Variants in ARID1B observed in about 807,000 individuals in gnomAD.
ARID1B encodes the protein AT-rich interaction domain 1B.
ARID1B carries 30 observed loss-of-function variants against 212.3 expected under a neutral mutation model. That is an observed-to-expected ratio of 0.14 (90% CI 0.11 to 0.19). The LOEUF (loss-of-function observed/expected upper bound fraction) is 0.19, where lower values mean the gene tolerates loss of function less well. Ranked by LOEUF, ARID1B falls within the 10% of genes least tolerant of loss-of-function variation. ARID1B has a pLI of 1.00. For synonymous variants in ARID1B, 1,402 were observed against 1,301.7 expected, an observed-to-expected ratio of 1.08 and a Z score of -1.66; for missense variants, 2,891 against 3,204.0, an observed-to-expected ratio of 0.90 and a Z score of 2.36.
rs753125848 is a variant in ARID1B at position 156,779,162 on chromosome 6, C to T, written c.1482C>T (p.His494=). The T allele has an allele frequency of 9.1e-6, 12 of 1,325,286 alleles. No homozygotes were observed. The highest frequency in any genetic ancestry group is 1.2e-5 in the Non-Finnish European group (12 of 1,031,336). 82.1% of individuals were successfully genotyped at this position (1,325,286 alleles called of 1,614,324 possible). Residue 494 remains histidine (H), a synonymous_variant, in exon 1 of 20, where the codon CAC becomes CAT. Transcript: ENST00000636930. ...GFQRFAGQNQ[H]PSGATPTLNQ... ...AGCGCTTCGCCGGCCAGAACCAGCACCCGTCGGGGGCCACCCCGACCCTCA... is the reference window on the plus strand; with the variant it reads ...AGCGCTTCGCCGGCCAGAACCAGCATCCGTCGGGGGCCACCCCGACCCTCA...
chr6:157,184,435 G>A lies in ARID1B; in HGVS notation c.3919G>A (p.Ala1307Thr), dbSNP rs1792815383. 5.6e-6 allele frequency: 9 copies of A among 1,613,830 alleles called. No homozygotes were observed. The highest frequency in any genetic ancestry group is 7.6e-6 in the Non-Finnish European group (9 of 1,180,022). ...GCCCAAGCTCCAGCCGCCATCTCCT[G>A]GTAAGTGGCGGCGCTGCAGTCACTG... is the stretch of plus-strand genomic sequence containing the variant. ...KQPKLQPPSP[A>T]NSGSLQGPQT... The change falls in exon 13 of 20, where the codon GCT (alanine) becomes ACT (threonine). Residue 1307 changes from alanine (A) to threonine (T), a missense_variant and splice_region_variant. This residue lies in a region of ARID1B where 666 missense variants were observed against 873.5 expected (regional missense o/e 0.76). Transcript: ENST00000636930.
intron 12 of ARID1B, 83 bp downstream of exon 12, chr6:157,181,261 A>AT (rs935198078): frequency 3.0e-5 from 45 of 1,489,892 alleles, no homozygotes; most frequent in Middle Eastern, 2.0e-4. Flanking sequence ...GTGTGGACTC[A>AT]TTTTTTTTCT....
At chr6:156,937,780 T>C (rs1466796547) in intron 4 of ARID1B, 1 of 152,218 alleles carries the variant, frequency 6.6e-6, no homozygotes, top group Non-Finnish European at 1.5e-5. Context: ...TGTCTTGTTA[T>C]GTATGTATAA....
At chr6:157,123,984 G>A (rs752934367) in intron 6 of ARID1B, among the ~76,000 whole-genome samples, 1 of 152,248 alleles carries the variant, frequency 6.6e-6, no homozygotes, top group Non-Finnish European at 1.5e-5. Flanking sequence ...CGCAGTGGCT[G>A]TGGAGATGGA....
At chr6:156,833,473 G>A (rs938995999) in intron 2 of ARID1B, among the ~76,000 whole-genome samples, 2 of 151,984 alleles carry the variant, frequency 1.3e-5, no homozygotes, top group African/African-American at 4.8e-5. Flanking sequence ...TAATTGGGTT[G>A]ATATTTTAAC....
intron 7 of ARID1B, among the ~76,000 whole-genome samples, chr6:157,143,343 C>T (rs1789502953): frequency 6.6e-6 from 1 of 152,126 alleles, no homozygotes; most frequent in Non-Finnish European, 1.5e-5. Context: ...AATAAGATTG[C>T]ACTTCTCATT....
At position 157,148,165 on chromosome 6, in the gene ARID1B, A is replaced by G. The variant is rs1264712729; in HGVS notation, c.2762-459A>G. 1.3e-5 allele frequency among the ~76,000 whole-genome samples: 2 copies of G among 152,082 alleles called. No homozygotes were observed. Among genetic ancestry groups the G allele is most frequent in the Non-Finnish European group, 2.9e-5 (2 of 68,020 alleles). On this transcript the variant is annotated intron_variant, in intron 7 of 19. Transcript: ENST00000636930. This position sits in a 1 kb window ranked among gnomAD's most constrained non-coding sequence, Gnocchi z 5.6. ...AAAGGATGATTTTGACCATATGTGCATGTCGTCTTACACGTTGTCTTTTTG... is the reference window on the plus strand; with the variant it reads ...AAAGGATGATTTTGACCATATGTGCGTGTCGTCTTACACGTTGTCTTTTTG...
intron 4 of ARID1B, among the ~76,000 whole-genome samples, chr6:157,029,674 G>A (rs1048888771): frequency 6.6e-6 from 1 of 152,230 alleles, no homozygotes; most frequent in Non-Finnish European, 1.5e-5. Context: ...GGAGGAGGGA[G>A]CAGCCAGTGC....
Position 156,778,493 on chromosome 6 carries a change from G to A in ARID1B, c.813G>A (p.Ala271=), listed in dbSNP as rs940491642. ...LLSKPGDEDD[A]PPKMGEPAGG... The stretch of plus-strand genomic sequence containing the variant: ...GCAAGCCGGGCGACGAGGACGACGC[G>A]CCGCCCAAGATGGGGGAGCCGGCGG... The change falls in exon 1 of 20, where the codon GCG becomes GCA. Residue 271 remains alanine (A), a synonymous_variant. Transcript: ENST00000636930. 2.3e-4 allele frequency: 291 copies of A among 1,283,388 alleles called. No individual in the cohort carries two copies. The highest frequency in any genetic ancestry group is 2.8e-4 in the Non-Finnish European group (281 of 1,021,512). 79.5% of individuals were successfully genotyped at this position (1,283,388 alleles called of 1,614,324 possible).
intron 4 of ARID1B, among the ~76,000 whole-genome samples, chr6:156,946,146 C>A (rs1219094741): frequency 1.4e-5 from 2 of 146,302 alleles, no homozygotes; most frequent in Non-Finnish European, 3.0e-5. Context: ...CACTTGAGGT[C>A]AGGAGTTCAA....
At chr6:157,167,266 A>G (rs2128291842) in intron 9 of ARID1B, 81 bp downstream of exon 9, 1 of 1,491,478 alleles carries the variant, frequency 6.7e-7, no homozygotes, top group Non-Finnish European at 8.9e-7. Flanking sequence ...ATCTGCCTAA[A>G]CGGCCCGAGA....
intron 8 of ARID1B, among the ~76,000 whole-genome samples, chr6:157,160,549 G>GT (rs1790861567): frequency 6.6e-6 from 1 of 152,120 alleles, no homozygotes; most frequent in Non-Finnish European, 1.5e-5. Context: ...CCCCACATTC[G>GT]TTCTTCTTGC....
At chr6:156,943,631 G>A (rs934055998) in intron 4 of ARID1B, 2 of 152,136 alleles carry the variant, frequency 1.3e-5, no homozygotes, top group Non-Finnish European at 2.9e-5. Flanking sequence ...TGTATTTGTT[G>A]CTGTCTGTAT....
chr6:156,852,735 G>A (rs547243267), intron 2 of ARID1B, among the ~76,000 whole-genome samples: 44 of 152,254 alleles, frequency 2.9e-4, no homozygotes, highest in Non-Finnish European at 5.3e-4. Context: ...ATATTTTCCC[G>A]TGCCTGTGAA....
intron 4 of ARID1B, among the ~76,000 whole-genome samples, chr6:157,065,755 C>T (rs988609900): frequency 1.3e-5 from 2 of 152,076 alleles, no homozygotes; most frequent in African/African-American, 4.8e-5. Context: ...GAAATAAGAC[C>T]GTAAGGATTT....
chr6:156,793,577 TCTC>T (rs1780158321), intron 1 of ARID1B, among the ~76,000 whole-genome samples: 1 of 152,082 alleles, frequency 6.6e-6, no homozygotes, highest in African/African-American at 2.4e-5. Context: ...CTCAAGCAGT[TCTC>T]CTGCCTCAGC....
intron 2 of ARID1B, among the ~76,000 whole-genome samples, chr6:156,845,395 T>C (rs1036355415): frequency 1.3e-5 from 2 of 152,218 alleles, no homozygotes; most frequent in African/African-American, 4.8e-5. Context: ...CTTGTCTTTA[T>C]GTAATCCTCG....
intron 7 of ARID1B, among the ~76,000 whole-genome samples, chr6:157,142,262 G>A (rs989819860): frequency 3.3e-5 from 5 of 152,194 alleles, no homozygotes; most frequent in East Asian, 1.9e-4. Flanking sequence ...TTCATTTCTT[G>A]TGAGAGAAAT....
chr6:157,181,082 A>C lies in ARID1B; in HGVS notation c.3618A>C (p.Arg1206Ser). 2 of 1,614,116 alleles carry C rather than the reference A, an allele frequency of 1.2e-6. No individual in the cohort carries two copies. The highest frequency in any genetic ancestry group is 1.7e-6 in the Non-Finnish European group (2 of 1,180,018). ...VDRYLTFMEE[R>S]GSPVSSLPAV... ...GATACCTCACCTTCATGGAAGAGAG[A>C]GGCTCTCCTGTCTCAAGTCTGCCTG... Residue 1206 changes from arginine to serine, a missense_variant, in exon 12 of 20, where the codon AGA becomes AGC. Coordinates refer to ENST00000636930, the MANE Select transcript of ARID1B (RefSeq NM_001374828.1).
Sources: allele counts gnomAD v4.1 joint callset (sites outside exome capture counted in the v4.1 genomes callset), GRCh38; gene constraint gnomAD v4.1.1; regional missense constraint gnomAD v4.1.1; non-coding constraint Gnocchi (gnomAD v3.1); transcripts MANE v1.5; gene names NCBI Gene and HGNC (gene_info 2026-07-23, HGNC 2026-07-21).